RXFP1: variants seen among roughly 807,000 people sequenced by gnomAD.
RXFP1 encodes relaxin family peptide receptor 1.
RXFP1 carries 73 observed loss-of-function variants against 89.8 expected under a neutral mutation model. The ratio of observed to expected loss-of-function variants is 0.81; its 90% CI spans 0.67 to 0.99. The LOEUF (loss-of-function observed/expected upper bound fraction) is 0.99, where lower values mean the gene tolerates loss of function less well. Ranked by LOEUF, RXFP1 falls within the 50% of genes least tolerant of loss-of-function variation. The pLI, the probability that RXFP1 is intolerant of heterozygous loss-of-function variation, is 0.00. For missense variants in RXFP1, 793 were observed against 895.5 expected, an observed-to-expected ratio of 0.89 and a Z score of 1.46; for synonymous variants, 277 against 305.5, an observed-to-expected ratio of 0.91 and a Z score of 0.97.
At chr4:158,577,741 C>T (rs1397748541) in intron 2 of RXFP1, among the ~76,000 whole-genome samples, 1 of 151,918 alleles carries the variant, frequency 6.6e-6, no homozygotes, top group South Asian at 2.1e-4. Flanking sequence ...AAAAATGAAA[C>T]ACCAAATGAA....
At chr4:158,593,370 G>A (rs999663334) in intron 2 of RXFP1, 31 bp from the exon 3 acceptor site, 1 of 1,414,886 alleles carries the variant, frequency 7.1e-7, no homozygotes. Flanking sequence ...TCTGTTCCTT[G>A]AACTTTTTTG....
chr4:158,604,102 GT>G (rs1194717823), intron 4 of RXFP1, among the ~76,000 whole-genome samples: 2 of 151,422 alleles, frequency 1.3e-5, no homozygotes, highest in East Asian at 1.9e-4. Context: ...GTCCAAGAAA[GT>G]TTTTTTTAAG....
chr4:158,576,767 T>C (rs951029289), intron 2 of RXFP1, among the ~76,000 whole-genome samples: 2 of 152,114 alleles, frequency 1.3e-5, no homozygotes, highest in African/African-American at 4.8e-5. Context: ...AAAAAAAAAT[T>C]AATTCCGTTC....
intron 1 of RXFP1, among the ~76,000 whole-genome samples, chr4:158,546,037 G>A (rs1025245747): frequency 5.9e-5 from 9 of 152,024 alleles, no homozygotes; most frequent in African/African-American, 2.2e-4. Context: ...AAATTACCTT[G>A]GGCAGTATGG....
rs766198737 is a variant in RXFP1 at position 158,623,115 on chromosome 4, G to T, written c.756-3705G>T. On this transcript the variant is annotated intron_variant, in intron 9 of 17. Transcript: ENST00000307765. ...CTATAACTGCCAATGTCCAATAAAA[G>T]ATATCACATTATAAGTCTATACACA... Among the ~76,000 whole-genome samples the T allele has an allele frequency of 4.6e-5, 7 of 152,192 alleles. No individual in the cohort carries two copies. The East Asian group carries it at 1.2e-3, about 25-fold the overall frequency.
rs185959453 is a variant in RXFP1 at position 158,568,290 on chromosome 4, A to G, written c.50-4408A>G. Among the ~76,000 whole-genome samples, 21 of 152,372 alleles carry G rather than the reference A, an allele frequency of 1.4e-4. No homozygotes were observed. In the East Asian group the frequency reaches 4.0e-3, roughly 29 times the overall value. On this transcript the variant is annotated intron_variant, in intron 1 of 17. Coordinates refer to ENST00000307765, the MANE Select transcript of RXFP1 (RefSeq NM_021634.4). ...AGAACCCACCAATTCCGGACACAAT[A>G]CAATCATTGAGGAGCTATATCTGCC...
At chr4:158,603,084 C>T (rs1761982849) in intron 4 of RXFP1, among the ~76,000 whole-genome samples, 1 of 152,116 alleles carries the variant, frequency 6.6e-6, no homozygotes, top group South Asian at 2.1e-4. Context: ...GCATGCACCA[C>T]CATGCCCAGC....
At chr4:158,626,984 A>T (rs1766979877) in intron 10 of RXFP1, 93 bp downstream of exon 10, 2 of 557,788 alleles carry the variant, frequency 3.6e-6, no homozygotes, top group Non-Finnish European at 6.0e-6. Context: ...ATCCCAAAGA[A>T]CATCAAGAGT....
At chr4:158,611,297 T>A (rs1351935160) in intron 6 of RXFP1, among the ~76,000 whole-genome samples, 1 of 152,080 alleles carries the variant, frequency 6.6e-6, no homozygotes, top group Admixed American at 6.5e-5. Flanking sequence ...ACTAGAGAGA[T>A]TGAGACATGA....
At chr4:158,545,505 T>C (rs1397714372) in intron 1 of RXFP1, among the ~76,000 whole-genome samples, 1 of 152,376 alleles carries the variant, frequency 6.6e-6, no homozygotes, top group Non-Finnish European at 1.5e-5. Context: ...TTTGGTGTTT[T>C]AGACATGAAG....
chr4:158,645,423 G>C lies in RXFP1; in HGVS notation c.1345+285G>C, dbSNP rs551605554. Among the ~76,000 whole-genome samples, 7 of 152,118 alleles carry C rather than the reference G, an allele frequency of 4.6e-5. No homozygotes were observed. The South Asian group carries it at 1.5e-3, about 32-fold the overall frequency. On this transcript the variant is annotated intron_variant, in intron 15 of 17. Transcript: ENST00000307765. ...TCCGAAGGCACAATATTTTGTTGACGCATCTAAAATCTTTTACTACAAATA... is the reference window on the plus strand; with the variant it reads ...TCCGAAGGCACAATATTTTGTTGACCCATCTAAAATCTTTTACTACAAATA...
chr4:158,640,041 C>T (rs1037149990), intron 14 of RXFP1, among the ~76,000 whole-genome samples: 3 of 152,156 alleles, frequency 2.0e-5, no homozygotes, highest in Non-Finnish European at 2.9e-5. Context: ...GAACATTTGT[C>T]GTCTAAGTCA....
At chr4:158,651,164 A>C (rs1432585529) in intron 17 of RXFP1, among the ~76,000 whole-genome samples, 2 of 152,118 alleles carry the variant, frequency 1.3e-5, no homozygotes, top group Admixed American at 6.5e-5. Context: ...GACAGCATCA[A>C]TTAAATTATA....
intron 8 of RXFP1, among the ~76,000 whole-genome samples, chr4:158,615,405 A>T (rs1014051314): frequency 6.6e-6 from 1 of 152,110 alleles, no homozygotes; most frequent in African/African-American, 2.4e-5. Flanking sequence ...GTGTGGTGGC[A>T]CATGCCTATA....
At chr4:158,570,060 G>C (rs1754706462) in intron 1 of RXFP1, among the ~76,000 whole-genome samples, 1 of 152,182 alleles carries the variant, frequency 6.6e-6, no homozygotes, top group Non-Finnish European at 1.5e-5. Context: ...AAATTAGCTT[G>C]GACACTCAAA....
At chr4:158,609,396 T>C (rs1001106312) in intron 6 of RXFP1, among the ~76,000 whole-genome samples, 1 of 152,216 alleles carries the variant, frequency 6.6e-6, no homozygotes, top group Non-Finnish European at 1.5e-5. Context: ...TGGTATCTCA[T>C]TGTGCTTCTT....
chr4:158,612,258 T>A (rs746167629), intron 7 of RXFP1, 33 bp from the exon 8 acceptor site: 4 of 1,604,046 alleles, frequency 2.5e-6, no homozygotes, highest in Non-Finnish European at 2.6e-6. Context: ...TAGAGATATA[T>A]AAATGAATTA....
intron 12 of RXFP1, 56 bp from the exon 13 acceptor site, chr4:158,637,952 C>T (rs1324859637): frequency 5.7e-6 from 6 of 1,046,174 alleles, no homozygotes; most frequent in East Asian, 4.8e-5. Context: ...CAGATTCACT[C>T]GCTTTACTCA....
rs1164476110 is a variant in RXFP1, at chr4:158,542,096, TATATA to T, written c.49+20072_49+20076del. On this transcript the variant is annotated intron_variant, in intron 1 of 17. Transcript: ENST00000307765. ...CACCATGGCTATATATATATATATA[TATATA>T]TATATATATTTTTTTTTTAGTAGAG... 1.2e-3 allele frequency among the ~76,000 whole-genome samples: 52 copies of T among 44,084 alleles called. 1 individual carries two copies. Among genetic ancestry groups the T allele is most frequent in the African/African-American group, 3.3e-3 (49 of 14,850 alleles). 28.9% of individuals were successfully genotyped at this position (44,084 alleles called of 152,430 possible).
Sources: allele counts gnomAD v4.1 joint callset (sites outside exome capture counted in the v4.1 genomes callset), GRCh38; gene constraint gnomAD v4.1.1; transcripts MANE v1.5; gene names NCBI Gene and HGNC (gene_info 2026-07-23, HGNC 2026-07-21).